The following RPS6KA5 variants were observed in gnomAD, a reference collection of about 807,000 sequenced individuals.
RPS6KA5 encodes the protein ribosomal protein S6 kinase A5, also known as ribosomal protein S6 kinase alpha-5.
Under a neutral mutation model 85.5 loss-of-function variants are expected in RPS6KA5, and 27 were observed. The observed-to-expected ratio is 0.32, with a 90% confidence interval of 0.23 to 0.44. The LOEUF is 0.44. Ranked by LOEUF, RPS6KA5 falls within the 20% of genes least tolerant of loss-of-function variation. The pLI is 1.00. For synonymous variants in RPS6KA5, 334 were observed against 348.2 expected, an observed-to-expected ratio of 0.96 and a Z score of 0.46; for missense variants, 811 against 980.9, an observed-to-expected ratio of 0.83 and a Z score of 2.31.
intron 12 of RPS6KA5, among the ~76,000 whole-genome samples, chr14:90,897,502 T>C (rs1192998211): frequency 6.6e-6 from 1 of 152,144 alleles, no homozygotes; most frequent in Non-Finnish European, 1.5e-5. Context: ...ATTTCACCCA[T>C]TAGTTGAAGA....
At position 90,849,311 on chromosome 14, in the gene RPS6KA5, ACACG is replaced by A. The variant is rs2031870397; in HGVS notation, c.*22759_*22762del. ...GAAACAAAGTTTTGGCCAGAGATGA[ACACG>A]CACCCATATGTCTGAAGACAAAAGT... On this transcript the variant is annotated 3_prime_UTR_variant, in exon 17 of 17. Transcript: ENST00000614987. The A allele has an allele frequency of 6.6e-6, 1 of 152,196 alleles. No homozygotes were observed. 9.4% of individuals were successfully genotyped at this position (152,196 alleles called of 1,614,324 possible).
At chr14:90,949,271 A>G (rs1004990815) in intron 3 of RPS6KA5, among the ~76,000 whole-genome samples, 1 of 152,238 alleles carries the variant, frequency 6.6e-6, no homozygotes, top group Non-Finnish European at 1.5e-5. Context: ...ACTCCTACAT[A>G]GCCTTGAATG....
chr14:90,978,589 CA>C, intron 2 of RPS6KA5, 65 bp from the exon 3 acceptor site: 4 of 1,221,026 alleles, frequency 3.3e-6, no homozygotes, highest in Non-Finnish European at 4.5e-6. Flanking sequence ...TAATTTAGTG[CA>C]ACTAAATTTA....
intron 1 of RPS6KA5, among the ~76,000 whole-genome samples, chr14:91,045,260 C>CTTTTTT (rs557182210): frequency 7.5e-6 from 1 of 132,866 alleles, no homozygotes; most frequent in African/African-American, 2.8e-5. Flanking sequence ...TCTGCTGATT[C>CTTTTTT]TTTTTTTTTT....
At chr14:90,992,387 T>C (rs2040347383) in intron 2 of RPS6KA5, among the ~76,000 whole-genome samples, 1 of 152,146 alleles carries the variant, frequency 6.6e-6, no homozygotes, top group Non-Finnish European at 1.5e-5. Context: ...AGGTAAAACA[T>C]TACAGGTAAA....
chr14:90,964,865 T>C (rs2038977333), intron 3 of RPS6KA5, among the ~76,000 whole-genome samples: 1 of 138,240 alleles, frequency 7.2e-6, no homozygotes, highest in African/African-American at 2.8e-5. Context: ...CAGTGGGCCA[T>C]GATAGTGCCA....
chr14:90,921,737 TTTA>T (rs2036409449), intron 6 of RPS6KA5, among the ~76,000 whole-genome samples: 1 of 152,186 alleles, frequency 6.6e-6, no homozygotes, highest in African/African-American at 2.4e-5. Flanking sequence ...AGAACATGCT[TTTA>T]AATACATGAT....
intron 7 of RPS6KA5, among the ~76,000 whole-genome samples, chr14:90,917,622 C>G (rs1479634415): frequency 6.6e-6 from 1 of 152,102 alleles, no homozygotes; most frequent in African/African-American, 2.4e-5. Context: ...GGTTAGTTTG[C>G]ATTTTCCAGA....
At chr14:90,993,168 G>A (rs1208556777) in intron 2 of RPS6KA5, among the ~76,000 whole-genome samples, 4 of 152,260 alleles carry the variant, frequency 2.6e-5, no homozygotes, top group Middle Eastern at 3.4e-3. Context: ...TTGGCTGGGC[G>A]TGGTGGCTCA....
Position 91,060,357 on chromosome 14 carries a change from G to A in RPS6KA5, c.78C>T (p.Leu26=), listed in dbSNP as rs781535016. 4.7e-6 allele frequency: 7 copies of A among 1,481,002 alleles called. No individual in the cohort carries two copies. The highest frequency in any genetic ancestry group is 6.3e-6 in the Non-Finnish European group (7 of 1,108,808). The allele number at this position is 1,481,002 out of a possible 1,614,324, so 91.7% of individuals were successfully genotyped here. Residue 26 remains leucine, a synonymous_variant, in exon 1 of 17, where the codon CTC becomes CTT. Coordinates refer to ENST00000614987, the MANE Select transcript of RPS6KA5 (RefSeq NM_004755.4). ...CAGTCCGCAGCTCGTGCTTGACAGT[G>A]AGGAGCTGCTCTCCTCCGTCGCCGC... ...ADGGDGGEQL[L]TVKHELRTAN...
intron 1 of RPS6KA5, among the ~76,000 whole-genome samples, chr14:91,041,222 T>C (rs2042595726): frequency 6.6e-6 from 1 of 152,248 alleles, no homozygotes; most frequent in Non-Finnish European, 1.5e-5. Flanking sequence ...CCTTATTTAA[T>C]AGGCTTGGAT....
At chr14:91,041,774 C>T (rs2042613428) in intron 1 of RPS6KA5, among the ~76,000 whole-genome samples, 5 of 152,174 alleles carry the variant, frequency 3.3e-5, no homozygotes, top group African/African-American at 1.2e-4. Context: ...CAATGCTGCC[C>T]ACTTTGCTCT....
chr14:90,908,247 C>A (rs752762415), intron 7 of RPS6KA5, among the ~76,000 whole-genome samples: 6 of 152,192 alleles, frequency 3.9e-5, no homozygotes, highest in Non-Finnish European at 5.9e-5. Context: ...CACAAGGAGA[C>A]CACATGCAGG....
chr14:90,899,222 T>G (rs1031432862), intron 12 of RPS6KA5, 107 bp downstream of exon 12: 1 of 728,126 alleles, frequency 1.4e-6, no homozygotes, highest in African/African-American at 1.8e-5. Flanking sequence ...TGGGTGATGT[T>G]CTATATCCCT....
chr14:90,854,486 C>A lies in RPS6KA5; in HGVS notation c.*17588G>T, dbSNP rs2182871. On this transcript the variant is annotated 3_prime_UTR_variant, in exon 17 of 17. Coordinates refer to ENST00000614987, the MANE Select transcript of RPS6KA5 (RefSeq NM_004755.4). ...TTTAACTAGAATTTTTAAAGACTTG[C>A]GATTTTGCTAAATGTATCATCATTA... The A allele has an allele frequency of 6.6e-6, 1 of 151,866 alleles. No individual in the cohort carries two copies. The highest frequency in any genetic ancestry group is 6.6e-5 in the Admixed American group (1 of 15,244). 9.4% of individuals were successfully genotyped at this position (151,866 alleles called of 1,614,324 possible). A position where few individuals can be genotyped will look rare whatever the true frequency, so the allele number is the denominator to read the frequency against.
chr14:90,975,045 T>C (rs1237579385), intron 3 of RPS6KA5, among the ~76,000 whole-genome samples: 1 of 152,092 alleles, frequency 6.6e-6, no homozygotes, highest in Non-Finnish European at 1.5e-5. Flanking sequence ...TAGAAGAATA[T>C]ATACTGATAA....
chr14:90,972,972 A>G (rs1197106060), intron 3 of RPS6KA5, among the ~76,000 whole-genome samples: 2 of 152,254 alleles, frequency 1.3e-5, no homozygotes. Context: ...GGCCTCATTC[A>G]GTAAAGAAAA....
chr14:90,989,891 GA>G (rs2040228673), intron 2 of RPS6KA5, among the ~76,000 whole-genome samples: 1 of 152,142 alleles, frequency 6.6e-6, no homozygotes. Flanking sequence ...AACAGGGTTG[GA>G]AAAATATACA....
At chr14:90,955,261 AAAC>A (rs1479612587) in intron 3 of RPS6KA5, among the ~76,000 whole-genome samples, 1 of 151,934 alleles carries the variant, frequency 6.6e-6, no homozygotes, top group Non-Finnish European at 1.5e-5. Context: ...TCTCTTATTG[AAAC>A]AATTTTCTTT....
Sources: gnomAD v4.1 joint callset for allele counts (sites outside exome capture counted in the v4.1 genomes callset) on GRCh38, gnomAD v4.1.1 for gene constraint, MANE v1.5 for transcripts, NCBI Gene and HGNC (gene_info 2026-07-23, HGNC 2026-07-21) for gene names.